Variants in TRAPPC9 observed in about 807,000 individuals in gnomAD.
TRAPPC9 encodes the protein trafficking protein particle complex subunit 9.
Under a neutral mutation model 124.0 loss-of-function variants are expected in TRAPPC9, and 83 were observed. The observed-to-expected ratio is 0.67, with a 90% confidence interval of 0.56 to 0.80. The LOEUF is 0.80. Among genes scored for constraint, TRAPPC9 ranks in the 30% least tolerant of loss-of-function variants. The probability of loss-of-function intolerance (pLI) is 0.00; values close to 1 mark genes in which losing one functional copy is unlikely to be tolerated. For synonymous variants in TRAPPC9, 638 were observed against 617.5 expected (o/e 1.03, Z -0.49); for missense variants, 1,302 against 1,508.3 (o/e 0.86, Z 2.27).
chr8:139,925,054 C>T lies in TRAPPC9; in HGVS notation c.2811-14754G>A, dbSNP rs369950920. Among the ~76,000 whole-genome samples the T allele has an allele frequency of 3.2e-4, 48 of 152,310 alleles. No individual in the cohort carries two copies. In the East Asian group the frequency reaches 4.4e-3, roughly 14 times the overall value. ...CCACTACAACTCACGCCTCCCACTG[C>T]CTACAGGGGAAAGCTCCCGAAAAGC... On this transcript the variant is annotated intron_variant, in intron 19 of 22. Coordinates refer to ENST00000438773, the MANE Select transcript of TRAPPC9 (RefSeq NM_001160372.4).
chr8:139,742,721 G>A lies in TRAPPC9; in HGVS notation c.3056-10519C>T, dbSNP rs534181392. 2.0e-5 allele frequency among the ~76,000 whole-genome samples: 3 copies of A among 152,296 alleles called. No homozygotes were observed. Among genetic ancestry groups the A allele is most frequent in the East Asian group, 1.9e-4 (1 of 5,178 alleles). On this transcript the variant is annotated intron_variant, in intron 21 of 22. Transcript: ENST00000438773. This position sits in a 1 kb window ranked among gnomAD's most constrained non-coding sequence, Gnocchi z 4.7. ...CAGGTCAGATGGGCCCAGCATGCAC[G>A]GTTGCTTTCAACTCTGATCTGCAGG...
chr8:139,755,535 T>C, intron 21 of TRAPPC9, among the ~76,000 whole-genome samples: 1 of 137,670 alleles, frequency 7.3e-6, no homozygotes, highest in Non-Finnish European at 1.6e-5. Context: ...GAGCCAGGGT[T>C]TGGGGATGAG....
In TRAPPC9 at chr8:140,300,583, G is replaced by A. The variant is rs762751827; in HGVS notation, c.1654C>T (p.Leu552Phe). The change falls in exon 11 of 23, where the codon CTC becomes TTC. Residue 552 changes from leucine to phenylalanine, a missense_variant. Leu to Phe is a conservative substitution (Grantham distance 22). This residue lies in a region of TRAPPC9 where 657 missense variants were observed against 811.2 expected (regional missense o/e 0.81). Coordinates refer to ENST00000438773, the MANE Select transcript of TRAPPC9 (RefSeq NM_001160372.4). ...AAGCTTTTCATTTTGTGTGGCCGGA[G>A]GCTAGCAGGAAGGTTCAATAGTTTC... is the stretch of plus-strand genomic sequence containing the variant. Reference protein sequence around the residue: ...HVKLLNLPASLRPHKMKSLLG... With the variant: ...HVKLLNLPASFRPHKMKSLLG... 3.7e-6 allele frequency: 6 copies of A among 1,614,110 alleles called. No individual in the cohort carries two copies. The Admixed American group carries it at 8.3e-5, about 22-fold the overall frequency.
intron 21 of TRAPPC9, among the ~76,000 whole-genome samples, chr8:139,756,547 G>C (rs1819807846): frequency 6.9e-6 from 1 of 145,552 alleles, no homozygotes; most frequent in African/African-American, 2.6e-5. Flanking sequence ...AGGAGCCAGG[G>C]TTTGGGGATG....
rs1393391550 is a variant in TRAPPC9 at position 139,732,039 on chromosome 8, G to A, written c.3219C>T (p.His1073=). ...AGACGGTGTCGTGCAGGTCGTAGTT[G>A]TGCACGCCGTTCTGGTGGTCCTGGA... is the stretch of plus-strand genomic sequence containing the variant. The part of the protein sequence containing the change: ...VPFQDHQNGV[H]NYDLHDTVSF... Residue 1073 remains histidine, a synonymous_variant, in exon 22 of 23, where the codon CAC becomes CAT. Coordinates refer to ENST00000438773, the MANE Select transcript of TRAPPC9 (RefSeq NM_001160372.4). 1 of 1,604,618 alleles carries A rather than the reference G, an allele frequency of 6.2e-7. No individual in the cohort carries two copies. Among genetic ancestry groups the A allele is most frequent in the Non-Finnish European group, 8.5e-7 (1 of 1,175,562 alleles).
At chr8:140,124,725 A>G (rs989463861) in intron 17 of TRAPPC9, among the ~76,000 whole-genome samples, 2 of 151,952 alleles carry the variant, frequency 1.3e-5, no homozygotes, top group African/African-American at 2.4e-5. Context: ...CTCCGAGGGG[A>G]GGACCAAAAT....
intron 9 of TRAPPC9, among the ~76,000 whole-genome samples, chr8:140,312,761 T>C (rs555007358): frequency 1.2e-3 from 181 of 146,142 alleles, no homozygotes; most frequent in Admixed American, 2.4e-3. Flanking sequence ...TCTTCTTCTT[T>C]TTTTTTTTTT....
chr8:140,084,624 C>G (rs1288765817), intron 17 of TRAPPC9, among the ~76,000 whole-genome samples: 2 of 152,204 alleles, frequency 1.3e-5, no homozygotes, highest in African/African-American at 2.4e-5. Flanking sequence ...CAAGAACCGC[C>G]GAGGACAAGG....
At chr8:139,994,248 G>C (rs187987382) in intron 18 of TRAPPC9, among the ~76,000 whole-genome samples, 34 of 152,344 alleles carry the variant, frequency 2.2e-4, no homozygotes, top group Non-Finnish European at 4.1e-4. Context: ...GCTGTGCGTC[G>C]CTGAGCTGGC....
chr8:140,360,918 G>A (rs1213045293), intron 8 of TRAPPC9, among the ~76,000 whole-genome samples: 1 of 151,462 alleles, frequency 6.6e-6, no homozygotes, highest in African/African-American at 2.4e-5. Context: ...TTTTTTTCCA[G>A]TAGAGACAGG....
intron 12 of TRAPPC9, among the ~76,000 whole-genome samples, chr8:140,290,107 C>T (rs907630086): frequency 2.0e-5 from 3 of 152,138 alleles, no homozygotes; most frequent in African/African-American, 7.2e-5. Context: ...CCTCATGCAC[C>T]CCAACAGAGC....
intron 12 of TRAPPC9, among the ~76,000 whole-genome samples, chr8:140,289,174 AGTGTGTG>A (rs1177001006): frequency 4.0e-5 from 6 of 148,314 alleles, no homozygotes; most frequent in African/African-American, 7.5e-5. Flanking sequence ...ATATATATAT[AGTGTGTG>A]TGTGTGTGTG....
chr8:139,816,338 T>G (rs892610179), intron 21 of TRAPPC9, among the ~76,000 whole-genome samples: 4 of 152,148 alleles, frequency 2.6e-5, no homozygotes, highest in African/African-American at 9.7e-5. Flanking sequence ...TGGTGAGGCT[T>G]TGGGGAAAGG....
chr8:139,999,709 A>C (rs1464601251), intron 18 of TRAPPC9, among the ~76,000 whole-genome samples: 2 of 152,316 alleles, frequency 1.3e-5, no homozygotes, highest in East Asian at 3.9e-4. Context: ...TAAAGCATAC[A>C]AAGTATCTTC....
chr8:140,255,575 C>T (rs772450753), intron 15 of TRAPPC9, among the ~76,000 whole-genome samples: 7 of 152,196 alleles, frequency 4.6e-5, no homozygotes, highest in Non-Finnish European at 1.0e-4. Context: ...GAATGAATCC[C>T]TACATTCAGA....
At chr8:140,329,925 C>A (rs556868352) in intron 9 of TRAPPC9, among the ~76,000 whole-genome samples, 1 of 152,090 alleles carries the variant, frequency 6.6e-6, no homozygotes, top group South Asian at 2.1e-4. Context: ...TAAAAAAATA[C>A]AAAAATTACC....
intron 17 of TRAPPC9, 147 bp downstream of exon 17, chr8:140,221,312 T>C (rs915822762): frequency 5.6e-6 from 7 of 1,260,242 alleles, no homozygotes; most frequent in African/African-American, 1.5e-5. Flanking sequence ...TTCCAAAACA[T>C]TGTCCAAGAA....
rs1278795410 is a variant in TRAPPC9 at position 140,340,233 on chromosome 8, G to A, written c.1495+19817C>T. Among the ~76,000 whole-genome samples the A allele has an allele frequency of 3.3e-5, 5 of 152,302 alleles. No homozygotes were observed. In the East Asian group the frequency reaches 7.7e-4, roughly 23 times the overall value. ...GTCAAAAATAAAGGCTCCCCCATCT[G>A]TTCCCACCTGGCTGAGAAACAATCT... is the stretch of plus-strand genomic sequence containing the variant. On this transcript the variant is annotated intron_variant, in intron 9 of 22. Coordinates refer to ENST00000438773, the MANE Select transcript of TRAPPC9 (RefSeq NM_001160372.4).
chr8:139,789,913 G>A (rs991603549), intron 21 of TRAPPC9, among the ~76,000 whole-genome samples: 1 of 152,162 alleles, frequency 6.6e-6, no homozygotes, highest in Admixed American at 6.5e-5. Context: ...TGATGAAGGC[G>A]GGCCCTACCC....
Sources: gnomAD v4.1 joint callset for allele counts (sites outside exome capture counted in the v4.1 genomes callset) on GRCh38, gnomAD v4.1.1 for gene constraint, gnomAD v4.1.1 regional missense constraint, Gnocchi (gnomAD v3.1) non-coding constraint, MANE v1.5 for transcripts, NCBI Gene and HGNC (gene_info 2026-07-23, HGNC 2026-07-21) for gene names.